The following BCL2L11 variants were observed in gnomAD, a reference collection of about 807,000 sequenced individuals.
BCL2L11 encodes the protein bcl-2-like protein 11.
BCL2L11 carries 15 observed loss-of-function variants against 20.6 expected under a neutral mutation model. The ratio of observed to expected loss-of-function variants is 0.73; its 90% CI spans 0.49 to 1.12. The LOEUF is 1.12. Among genes scored for constraint, BCL2L11 ranks in the 50% most tolerant of loss-of-function variants. The probability of loss-of-function intolerance (pLI) is 0.00; values close to 1 mark genes in which losing one functional copy is unlikely to be tolerated. For synonymous variants in BCL2L11, 108 were observed against 92.8 expected, an observed-to-expected ratio of 1.16 and a Z score of -0.94; for missense variants, 292 against 260.9, an observed-to-expected ratio of 1.12 and a Z score of -0.82.
In BCL2L11 at chr2:111,128,506, T is replaced by G. The variant is rs1306404117; in HGVS notation, c.394+4367T>G. ...TATGGTAATTCTATTTTTAATTTTT[T>G]GGGGAACCATCATGCTGTTCTCCAT... On this transcript the variant is annotated intron_variant, in intron 2 of 3. Transcript: ENST00000393256. The G allele has an allele frequency of 3.1e-6, 4 of 1,286,936 alleles. 1 individual carries two copies. In the East Asian group the frequency reaches 1.0e-4, roughly 33 times the overall value. 79.7% of individuals were successfully genotyped at this position (1,286,936 alleles called of 1,614,324 possible). A position where few individuals can be genotyped will look rare whatever the true frequency, so the allele number is the denominator to read the frequency against.
chr2:111,140,704 A>G (rs2075665202), intron 2 of BCL2L11, among the ~76,000 whole-genome samples: 3 of 152,236 alleles, frequency 2.0e-5, no homozygotes, highest in Non-Finnish European at 4.4e-5. Context: ...CTGAATAGAT[A>G]CAATGTTAGT....
chr2:111,123,171 C>G, intron 1 of BCL2L11: 1 of 985,450 alleles, frequency 1.0e-6, no homozygotes, highest in South Asian at 4.7e-5. Flanking sequence ...GGAGAGAGCG[C>G]CAGAGCCGGG....
intron 2 of BCL2L11, among the ~76,000 whole-genome samples, chr2:111,124,842 T>C (rs2072176616): frequency 6.6e-6 from 1 of 152,112 alleles, no homozygotes; most frequent in African/African-American, 2.4e-5. Flanking sequence ...ATGAAAGCAG[T>C]ACCAACATAG....
intron 2 of BCL2L11, chr2:111,142,390 AG>A (rs1181158268): frequency 6.5e-7 from 1 of 1,550,128 alleles, no homozygotes; most frequent in Non-Finnish European, 8.7e-7. Flanking sequence ...AGCAAAATCA[AG>A]GTGAAAAGTT....
At chr2:111,157,237 G>C (rs1484547378) in intron 3 of BCL2L11, among the ~76,000 whole-genome samples, 1 of 152,114 alleles carries the variant, frequency 6.6e-6, no homozygotes, top group African/African-American at 2.4e-5. Flanking sequence ...GGGGACTTCA[G>C]GAGGTCTAAC....
chr2:111,132,982 T>G (rs2074230045), intron 2 of BCL2L11, among the ~76,000 whole-genome samples: 1 of 152,252 alleles, frequency 6.6e-6, no homozygotes, highest in South Asian at 2.1e-4. Context: ...CTATACAATT[T>G]CAGTTCTTTT....
intron 3 of BCL2L11, among the ~76,000 whole-genome samples, chr2:111,158,462 C>T (rs1291703613): frequency 1.3e-5 from 2 of 152,088 alleles, no homozygotes; most frequent in Non-Finnish European, 2.9e-5. Context: ...TCCTCAGTTG[C>T]CTGAGCCTGG....
chr2:111,144,207 A>G (rs1031385150), intron 2 of BCL2L11, among the ~76,000 whole-genome samples: 4 of 152,182 alleles, frequency 2.6e-5, no homozygotes, highest in African/African-American at 9.7e-5. Context: ...TTTGACACAA[A>G]TGTGTTCCAG....
chr2:111,129,779 C>G (rs1435822835), intron 2 of BCL2L11, among the ~76,000 whole-genome samples: 1 of 152,242 alleles, frequency 6.6e-6, no homozygotes, highest in African/African-American at 2.4e-5. Context: ...ACCTTTCTGT[C>G]TCTTCCTTAC....
At chr2:111,161,038 C>T (rs982651903) in intron 3 of BCL2L11, among the ~76,000 whole-genome samples, 1 of 152,196 alleles carries the variant, frequency 6.6e-6, no homozygotes, top group East Asian at 1.9e-4. Context: ...ATGCTGTCAT[C>T]CCCTGTGTCT....
chr2:111,153,931 C>T, intron 3 of BCL2L11: 1 of 1,507,692 alleles, frequency 6.6e-7, no homozygotes, highest in East Asian at 2.5e-5. Context: ...AGTGCATGTC[C>T]CCTCTTCTCT....
chr2:111,122,682 G>A, intron 1 of BCL2L11: 1 of 982,708 alleles, frequency 1.0e-6, no homozygotes, highest in Non-Finnish European at 1.2e-6. Flanking sequence ...GGCCGGGGCA[G>A]CGCGGGCCAG....
At chr2:111,153,646 A>T in intron 3 of BCL2L11, 1 of 1,055,388 alleles carries the variant, frequency 9.5e-7, no homozygotes, top group Non-Finnish European at 1.4e-6. Flanking sequence ...GTGCTGCTTT[A>T]GGATGGATAT....
At chr2:111,128,924 T>TAGATGAAACAGAA in intron 2 of BCL2L11, 2 of 1,145,766 alleles carry the variant, frequency 1.7e-6, no homozygotes, top group South Asian at 1.7e-5. Context: ...GTGTTCTGTT[T>TAGATGAAACAGAA]CATCTAAACA....
At chr2:111,163,189 T>C (rs1575230986) in intron 3 of BCL2L11, 1 of 152,360 alleles carries the variant, frequency 6.6e-6, no homozygotes, top group African/African-American at 2.4e-5. Flanking sequence ...CCCGCGACGG[T>C]GTGTTGGAGG....
At chr2:111,137,992 TTTTC>T (rs948503022) in intron 2 of BCL2L11, among the ~76,000 whole-genome samples, 162 of 148,144 alleles carry the variant, frequency 1.1e-3, no homozygotes, top group African/African-American at 3.0e-3. Flanking sequence ...TTTCTCCCTT[TTTTC>T]TTTCTTTCTT....
chr2:111,147,188 C>A (rs1323165653), intron 2 of BCL2L11, among the ~76,000 whole-genome samples: 2 of 152,160 alleles, frequency 1.3e-5, no homozygotes, highest in African/African-American at 4.8e-5. Flanking sequence ...ATACAACTCT[C>A]CTAACTCTGA....
At chr2:111,142,184 T>C in intron 2 of BCL2L11, 3 of 777,866 alleles carry the variant, frequency 3.9e-6, no homozygotes, top group Non-Finnish European at 6.5e-6. Flanking sequence ...CAGAATTCTT[T>C]ACATCCTTAA....
chr2:111,161,520 C>A, intron 3 of BCL2L11: 2 of 1,549,100 alleles, frequency 1.3e-6, no homozygotes, highest in South Asian at 2.4e-5. Context: ...GGAAGACGGT[C>A]AAGGCATGGC....
Sources: allele counts gnomAD v4.1 joint callset (sites outside exome capture counted in the v4.1 genomes callset), GRCh38; gene constraint gnomAD v4.1.1; transcripts MANE v1.5; gene names NCBI Gene and HGNC (gene_info 2026-07-23, HGNC 2026-07-21).